Variants in CD86 observed in about 807,000 individuals in gnomAD.
The protein encoded by CD86 is CD86 molecule, also known as T-lymphocyte activation antigen CD86.
A neutral mutation model predicts 32.1 loss-of-function variants in CD86; 11 were observed. The observed-to-expected ratio is 0.34, with a 90% CI of 0.22 to 0.57. CD86 has a LOEUF of 0.57. Among genes scored for constraint, CD86 ranks in the 20% least tolerant of loss-of-function variants. The pLI is 0.86. For missense variants in CD86, 359 were observed against 398.4 expected (o/e 0.90, Z 0.84); for synonymous variants, 137 against 135.3 (o/e 1.01, Z -0.09).
At position 122,119,555 on chromosome 3, in the gene CD86, A is replaced by G; in HGVS notation, c.*21A>G. On this transcript the variant is annotated 3_prime_UTR_variant, in exon 7 of 7. Transcript: ENST00000330540. ...TTTAATTAAAGAGTAAAGCCCATAC[A>G]AGTATTCATTTTTTCTACCCTTTCC... 7.0e-7 allele frequency: 1 copy of G among 1,437,412 alleles called. No individual in the cohort carries two copies. The highest frequency in any genetic ancestry group is 9.8e-7 in the Non-Finnish European group (1 of 1,025,124). 89.0% of individuals were successfully genotyped at this position (1,437,412 alleles called of 1,614,324 possible).
chr3:122,113,868 G>C (rs1448840601), intron 5 of CD86, among the ~76,000 whole-genome samples: 1 of 152,196 alleles, frequency 6.6e-6, no homozygotes, highest in African/African-American at 2.4e-5. Context: ...TGCAAAGATT[G>C]AGCTTGATGG....
At chr3:122,094,462 A>G (rs560891785) in intron 2 of CD86, among the ~76,000 whole-genome samples, 1 of 152,234 alleles carries the variant, frequency 6.6e-6, no homozygotes, top group Non-Finnish European at 1.5e-5. Context: ...TAGAAAGCCC[A>G]TGACATCAGA....
intron 1 of CD86, among the ~76,000 whole-genome samples, chr3:122,086,937 C>A (rs2072732457): frequency 6.6e-6 from 1 of 152,020 alleles, no homozygotes; most frequent in Non-Finnish European, 1.5e-5. Context: ...GAAACACAGG[C>A]TGCATGGGTT....
chr3:122,108,897 G>T (rs1295634923), intron 4 of CD86, among the ~76,000 whole-genome samples: 1 of 152,168 alleles, frequency 6.6e-6, no homozygotes, highest in Non-Finnish European at 1.5e-5. Context: ...ACTGCAGAGG[G>T]GGGCAGGATA....
intron 1 of CD86, among the ~76,000 whole-genome samples, chr3:122,082,009 G>A (rs1402445278): frequency 6.6e-6 from 1 of 152,198 alleles, no homozygotes; most frequent in East Asian, 1.9e-4. Context: ...GAGCGATGGA[G>A]TGTCCAGATG....
At chr3:122,104,787 T>C (rs533792593) in intron 3 of CD86, among the ~76,000 whole-genome samples, 14 of 152,342 alleles carry the variant, frequency 9.2e-5, no homozygotes, top group African/African-American at 3.4e-4. Flanking sequence ...TCCCTTTTTA[T>C]TGCTGAGTAG....
chr3:122,060,835 G>A (rs1033050087), intron 1 of CD86, among the ~76,000 whole-genome samples: 5 of 151,974 alleles, frequency 3.3e-5, no homozygotes, highest in African/African-American at 9.7e-5. Context: ...GCTTCGCAGA[G>A]GTAAAGCCTC....
At chr3:122,101,513 A>AAAAAAAAAT (rs1202377219) in intron 2 of CD86, among the ~76,000 whole-genome samples, 2 of 46,332 alleles carry the variant, frequency 4.3e-5, no homozygotes, top group African/African-American at 1.7e-4. Context: ...AAAAAAAAAA[A>AAAAAAAAAT]ATATATATAT....
At chr3:122,063,560 T>C (rs1380390186) in intron 1 of CD86, among the ~76,000 whole-genome samples, 5 of 151,748 alleles carry the variant, frequency 3.3e-5, no homozygotes, top group Non-Finnish European at 7.4e-5. Context: ...TTTTGGTAAA[T>C]GGTTCCTAAA....
At chr3:122,098,733 T>C (rs1315883566) in intron 2 of CD86, among the ~76,000 whole-genome samples, 4 of 152,172 alleles carry the variant, frequency 2.6e-5, no homozygotes, top group African/African-American at 9.7e-5. Flanking sequence ...TTTCTTAACA[T>C]ATTGGAGTTC....
At chr3:122,079,625 G>C (rs77789040) in intron 1 of CD86, among the ~76,000 whole-genome samples, 5,679 of 152,330 alleles carry the variant, frequency 0.037, 137 homozygotes, top group African/African-American at 0.069. Context: ...CATAGGCTGG[G>C]CACACAGCCC....
chr3:122,099,308 A>G (rs1259910603), intron 2 of CD86, among the ~76,000 whole-genome samples: 2 of 137,088 alleles, frequency 1.5e-5, no homozygotes, highest in East Asian at 2.3e-4. Flanking sequence ...GTCACCAACA[A>G]CCTTTGTCAG....
At chr3:122,071,493 T>C (rs1057043910) in intron 1 of CD86, among the ~76,000 whole-genome samples, 2 of 152,178 alleles carry the variant, frequency 1.3e-5, no homozygotes, top group African/African-American at 4.8e-5. Flanking sequence ...TAATATTCCA[T>C]TGTCTGGATA....
At chr3:122,056,950 A>G (rs1281933882) in intron 1 of CD86, among the ~76,000 whole-genome samples, 1 of 152,230 alleles carries the variant, frequency 6.6e-6, no homozygotes, top group Admixed American at 6.5e-5. Flanking sequence ...TTTGTTTCAC[A>G]GTGCCTGAAG....
rs113346267 is a variant in CD86, at chr3:122,119,580, C to T, written c.*46C>T. The T allele has an allele frequency of 8.2e-7, 1 of 1,219,318 alleles. No individual in the cohort carries two copies. Among genetic ancestry groups the T allele is most frequent in the Non-Finnish European group, 1.2e-6 (1 of 831,202 alleles). The allele number at this position is 1,219,318 out of a possible 1,614,324, so 75.5% of individuals were successfully genotyped here. A position where few individuals can be genotyped will look rare whatever the true frequency, so the allele number is the denominator to read the frequency against. ...AAGTATTCATTTTTTCTACCCTTTC[C>T]TTTGTAAGTTCCTGGGCAACCTTTT... On this transcript the variant is annotated 3_prime_UTR_variant, in exon 7 of 7. Coordinates refer to ENST00000330540, the MANE Select transcript of CD86 (RefSeq NM_175862.5).
At chr3:122,079,812 C>T (rs574928853) in intron 1 of CD86, among the ~76,000 whole-genome samples, 2 of 152,270 alleles carry the variant, frequency 1.3e-5, no homozygotes, top group African/African-American at 4.8e-5. Flanking sequence ...ACCTCAACAC[C>T]GGGAAGCATC....
intron 5 of CD86, among the ~76,000 whole-genome samples, chr3:122,109,861 T>G (rs1195416488): frequency 6.6e-6 from 1 of 152,194 alleles, no homozygotes; most frequent in African/African-American, 2.4e-5. Flanking sequence ...TTAGATGAAT[T>G]ATTGCCCATT....
At chr3:122,100,778 T>C (rs1054752744) in intron 2 of CD86, among the ~76,000 whole-genome samples, 1 of 152,184 alleles carries the variant, frequency 6.6e-6, no homozygotes, top group Non-Finnish European at 1.5e-5. Context: ...CCTGACATCA[T>C]AGCAACCCAT....
chr3:122,072,740 T>A (rs1307824173), intron 1 of CD86, among the ~76,000 whole-genome samples: 2 of 152,194 alleles, frequency 1.3e-5, no homozygotes, highest in African/African-American at 4.8e-5. Flanking sequence ...TTTAATTAGA[T>A]CCCATTTGTC....
Sources: allele counts gnomAD v4.1 joint callset (sites outside exome capture counted in the v4.1 genomes callset), GRCh38; gene constraint gnomAD v4.1.1; transcripts MANE v1.5; gene names NCBI Gene and HGNC (gene_info 2026-07-23, HGNC 2026-07-21).